Variants in H4C15 observed in about 807,000 individuals in gnomAD.
H4C15 encodes histone H4.
chr1:149,850,547 C>T, downstream of H4C15: 1 of 725,114 alleles, frequency 1.4e-6, no homozygotes, highest in East Asian at 2.7e-5. Flanking sequence ...GGACGCCTCT[C>T]CCGCGATGCG....
chr1:149,849,423 A>G (rs1200759080), downstream of H4C15, among the ~76,000 whole-genome samples: 9 of 152,098 alleles, frequency 5.9e-5, no homozygotes, highest in African/African-American at 1.9e-4. Context: ...CCTCGCTTCT[A>G]TTGTGGCCAG....
At chr1:149,846,463 A>C in the H4C15 span, 1 of 152,248 alleles carries the variant, frequency 6.6e-6, no homozygotes, top group Non-Finnish European at 1.5e-5. Flanking sequence ...TGTAAAAATA[A>C]AATACATTAT....
At chr1:149,850,142 T>G, downstream of H4C15, 1 of 563,730 alleles carries the variant, frequency 1.8e-6, no homozygotes, top group East Asian at 3.3e-5. Flanking sequence ...GATACCACTA[T>G]CAATCTATGT....
downstream of H4C15, among the ~76,000 whole-genome samples, chr1:149,849,866 T>A (rs1377933331): frequency 1.3e-5 from 2 of 152,224 alleles, no homozygotes; most frequent in East Asian, 1.9e-4. Context: ...CTCGATACCA[T>A]ATATAAAAGT....
the H4C15 span, chr1:149,845,538 C>G: frequency 6.6e-6 from 1 of 152,156 alleles, no homozygotes; most frequent in African/African-American, 2.4e-5. Context: ...ATGGTAAGTA[C>G]AAAGGCCCCA....
chr1:149,848,306 A>G, the H4C15 span: 2 of 152,166 alleles, frequency 1.3e-5, no homozygotes, highest in African/African-American at 4.8e-5. Context: ...ATTATTCCTG[A>G]AATATTTCAA....
chr1:149,845,369 A>C, the H4C15 span: 2 of 152,208 alleles, frequency 1.3e-5, no homozygotes, highest in Non-Finnish European at 2.9e-5. Context: ...GACTAAATGT[A>C]TATTATTCAG....
At chr1:149,844,615 A>G in the H4C15 span, 1 of 152,176 alleles carries the variant, frequency 6.6e-6, no homozygotes, top group Admixed American at 6.5e-5. Flanking sequence ...AAACTTAGAA[A>G]ATACATGTTA....
At chr1:149,848,213 T>G in the H4C15 span, 1 of 152,250 alleles carries the variant, frequency 6.6e-6, no homozygotes, top group Non-Finnish European at 1.5e-5. Flanking sequence ...GTTCCAAATA[T>G]GTAATTGGAG....
the H4C15 span, chr1:149,845,474 A>ATACAG: frequency 6.6e-6 from 1 of 152,270 alleles, no homozygotes; most frequent in Admixed American, 6.5e-5. Flanking sequence ...AGAGAGCTGA[A>ATACAG]TACAGTAAGA....
the H4C15 span, chr1:149,844,865 A>G: frequency 3.9e-5 from 6 of 152,172 alleles, no homozygotes; most frequent in Non-Finnish European, 8.8e-5. Flanking sequence ...CTGCTTTTAC[A>G]CATACCTTAT....
chr1:149,858,645 AAGGAAGGGAGGGAGGG>A (rs1261280541), downstream of H4C15, among the ~76,000 whole-genome samples: 2 of 85,142 alleles, frequency 2.3e-5, no homozygotes, highest in African/African-American at 6.8e-5. Context: ...GAAAGGAAGG[AAGGAAGGGAGGGAGGG>A]AGGGAGGGAG....
the H4C15 span, chr1:149,845,560 A>T: frequency 6.6e-6 from 1 of 152,396 alleles, no homozygotes; most frequent in African/African-American, 2.4e-5. Flanking sequence ...GGCAGGAACA[A>T]GCTTGGTGAA....
At chr1:149,850,125 A>G (rs1211039659), downstream of H4C15, 3 of 523,836 alleles carry the variant, frequency 5.7e-6, no homozygotes, top group Non-Finnish European at 6.9e-6. Flanking sequence ...TATCTATGCC[A>G]TAGTAAGATA....
chr1:149,850,409 G>A (rs781928965), downstream of H4C15: 45 of 1,123,154 alleles, frequency 4.0e-5, no homozygotes, highest in East Asian at 2.6e-5. Flanking sequence ...TGGAGCTGGC[G>A]TACTTGGTGA....
downstream of H4C15, among the ~76,000 whole-genome samples, chr1:149,849,951 G>A (rs1379669500): frequency 6.6e-6 from 1 of 152,180 alleles, no homozygotes; most frequent in Non-Finnish European, 1.5e-5. Flanking sequence ...TACCACTGAA[G>A]AGCGGACCCA....
downstream of H4C15, among the ~76,000 whole-genome samples, chr1:149,849,820 G>C (rs587772466): frequency 2.0e-5 from 3 of 152,264 alleles, no homozygotes; most frequent in East Asian, 3.9e-4. Context: ...GTGTAGGCAC[G>C]TGTTTGTGAA....
the H4C15 span, chr1:149,846,019 G>A: frequency 1.3e-5 from 2 of 152,122 alleles, no homozygotes; most frequent in Non-Finnish European, 2.9e-5. Flanking sequence ...AGAATCTGGA[G>A]TTTAGGAAAG....
At chr1:149,845,232 C>T in the H4C15 span, 1 of 152,194 alleles carries the variant, frequency 6.6e-6, no homozygotes, top group Non-Finnish European at 1.5e-5. Context: ...TATTTGTGCA[C>T]ATCACTTCCC....
Sources: gnomAD v4.1 joint callset for allele counts (sites outside exome capture counted in the v4.1 genomes callset) on GRCh38, gnomAD v4.1.1 for gene constraint, MANE v1.5 for transcripts, NCBI Gene and HGNC (gene_info 2026-07-23, HGNC 2026-07-21) for gene names.